The following KIAA0825 variants were observed in gnomAD, a reference collection of about 807,000 sequenced individuals.
KIAA0825 encodes the protein uncharacterized protein KIAA0825.
Under a neutral mutation model 147.6 loss-of-function variants are expected in KIAA0825, and 119 were observed. The observed-to-expected ratio is 0.81, with a 90% CI of 0.69 to 0.94. The LOEUF (loss-of-function observed/expected upper bound fraction) is 0.94, where lower values mean the gene tolerates loss of function less well. Ranked by LOEUF, KIAA0825 falls within the 40% of genes least tolerant of loss-of-function variation. The probability of loss-of-function intolerance (pLI) is 0.00; values close to 1 mark genes in which losing one functional copy is unlikely to be tolerated. For missense variants in KIAA0825, 1,381 were observed against 1,472.7 expected (o/e 0.94, Z 1.02); for synonymous variants, 470 against 518.1 (o/e 0.91, Z 1.26).
At chr5:94,412,829 C>T (rs1031794606) in intron 15 of KIAA0825, 4 of 152,164 alleles carry the variant, frequency 2.6e-5, no homozygotes, top group Middle Eastern at 3.4e-3. Context: ...CTGCACAGGT[C>T]GACTTACATG....
At chr5:94,168,425 T>C (rs1275958230) in intron 20 of KIAA0825, among the ~76,000 whole-genome samples, 1 of 152,188 alleles carries the variant, frequency 6.6e-6, no homozygotes, top group Admixed American at 6.5e-5. Context: ...AAGCAATTTA[T>C]TTTAATTAAT....
At chr5:94,494,073 C>T (rs181098330) in intron 5 of KIAA0825, among the ~76,000 whole-genome samples, 31 of 152,234 alleles carry the variant, frequency 2.0e-4, no homozygotes, top group Middle Eastern at 3.4e-3. Flanking sequence ...TGAAGCTATT[C>T]TTCTGGGTCA....
At position 94,485,265 on chromosome 5, in the gene KIAA0825, G is replaced by A. The variant is rs141911232; in HGVS notation, c.971-335C>T. Among the ~76,000 whole-genome samples the A allele has an allele frequency of 3.2e-3, 486 of 151,138 alleles. 3 individuals are homozygous for A. Among genetic ancestry groups the A allele is most frequent in the Middle Eastern group, 0.014 (4 of 294 alleles). On this transcript the variant is annotated intron_variant, in intron 5 of 20. Coordinates refer to ENST00000682413, the MANE Select transcript of KIAA0825 (RefSeq NM_001145678.3). ...TGGCATAACTTAAATCTAATGACAAGGAAATATTACACAAACCCAAATTGA... is the reference window on the plus strand; with the variant it reads ...TGGCATAACTTAAATCTAATGACAAAGAAATATTACACAAACCCAAATTGA...
chr5:94,294,901 G>A (rs1348797562), intron 20 of KIAA0825, among the ~76,000 whole-genome samples: 2 of 151,978 alleles, frequency 1.3e-5, no homozygotes, highest in Non-Finnish European at 2.9e-5. Flanking sequence ...TATGTGTCTT[G>A]GGGTTGCTCT....
At chr5:94,374,572 T>C (rs1028594251) in intron 20 of KIAA0825, among the ~76,000 whole-genome samples, 5 of 152,142 alleles carry the variant, frequency 3.3e-5, no homozygotes, top group African/African-American at 1.2e-4. Context: ...GAGGTCATGC[T>C]TCTACCAAGC....
intron 2 of KIAA0825, among the ~76,000 whole-genome samples, chr5:94,538,412 G>A (rs186033687): frequency 2.0e-5 from 3 of 152,284 alleles, no homozygotes; most frequent in Non-Finnish European, 4.4e-5. Flanking sequence ...TGACTCTTAC[G>A]ACATCTGCTT....
intron 20 of KIAA0825, among the ~76,000 whole-genome samples, chr5:94,232,602 C>T (rs1260744299): frequency 6.6e-6 from 1 of 151,874 alleles, no homozygotes; most frequent in East Asian, 1.9e-4. Flanking sequence ...TATATGCATG[C>T]CTGGAAGCCT....
At chr5:94,439,265 T>C (rs1465301955) in intron 14 of KIAA0825, among the ~76,000 whole-genome samples, 1 of 152,196 alleles carries the variant, frequency 6.6e-6, no homozygotes, top group Admixed American at 6.5e-5. Flanking sequence ...TTGATAAAGT[T>C]AATCAGGCTT....
intron 16 of KIAA0825, 71 bp from the exon 17 acceptor site, chr5:94,396,580 A>G (rs2150583902): frequency 8.2e-7 from 1 of 1,226,540 alleles, no homozygotes; most frequent in Non-Finnish European, 1.1e-6. Context: ...TTTGTGTTGT[A>G]TAAGGATGTC....
intron 20 of KIAA0825, among the ~76,000 whole-genome samples, chr5:94,234,926 G>C (rs950459571): frequency 6.6e-6 from 1 of 152,030 alleles, no homozygotes; most frequent in African/African-American, 2.4e-5. Context: ...ACAGAAGATG[G>C]TGAACTTATT....
intron 20 of KIAA0825, among the ~76,000 whole-genome samples, chr5:94,183,457 T>G (rs984544449): frequency 3.9e-5 from 6 of 152,168 alleles, no homozygotes; most frequent in Admixed American, 3.9e-4. Context: ...GATAAGAGTG[T>G]CATTTTATAT....
At chr5:94,305,814 C>T (rs1187098138) in intron 20 of KIAA0825, among the ~76,000 whole-genome samples, 2 of 151,868 alleles carry the variant, frequency 1.3e-5, no homozygotes, top group Non-Finnish European at 2.9e-5. Context: ...GGTGATTATG[C>T]AAGTTCCAAA....
At chr5:94,454,731 C>A (rs1758868404) in intron 12 of KIAA0825, among the ~76,000 whole-genome samples, 1 of 152,048 alleles carries the variant, frequency 6.6e-6, no homozygotes, top group African/African-American at 2.4e-5. Flanking sequence ...AGAAAAATAA[C>A]TTTAGCAGTA....
intron 5 of KIAA0825, chr5:94,519,294 T>C: frequency 2.2e-6 from 2 of 907,284 alleles, no homozygotes; most frequent in Non-Finnish European, 2.6e-6. Context: ...TGATCATAAA[T>C]TCAAAGATCC....
At chr5:94,377,976 A>T (rs572962315) in intron 20 of KIAA0825, among the ~76,000 whole-genome samples, 1 of 152,366 alleles carries the variant, frequency 6.6e-6, no homozygotes, top group Admixed American at 6.5e-5. Context: ...TGGAGTATAA[A>T]ACAGACTTTG....
At chr5:94,289,470 G>C (rs1777792310) in intron 20 of KIAA0825, among the ~76,000 whole-genome samples, 1 of 151,194 alleles carries the variant, frequency 6.6e-6, no homozygotes, top group African/African-American at 2.4e-5. Context: ...AGGAGACAGA[G>C]GTTGCAGTGA....
intron 2 of KIAA0825, among the ~76,000 whole-genome samples, chr5:94,561,048 C>A (rs1777471850): frequency 6.6e-6 from 1 of 152,210 alleles, no homozygotes; most frequent in East Asian, 1.9e-4. Context: ...AAAAACCAAC[C>A]ATTTGATTAC....
At chr5:94,594,414 G>A in intron 1 of KIAA0825, 1 of 744,286 alleles carries the variant, frequency 1.3e-6, no homozygotes, top group Non-Finnish European at 2.5e-6. Flanking sequence ...AAAAGCCTCA[G>A]TTCTTACTCC....
chr5:94,226,662 A>G (rs1774194650), intron 20 of KIAA0825, among the ~76,000 whole-genome samples: 2 of 151,964 alleles, frequency 1.3e-5, no homozygotes, highest in Admixed American at 1.3e-4. Flanking sequence ...ACGGAACATA[A>G]TATCCAGAAT....
Sources: allele counts gnomAD v4.1 joint callset (sites outside exome capture counted in the v4.1 genomes callset), GRCh38; gene constraint gnomAD v4.1.1; transcripts MANE v1.5; gene names NCBI Gene and HGNC (gene_info 2026-07-23, HGNC 2026-07-21).